KCNAB1: variants seen among roughly 807,000 people sequenced by gnomAD.
KCNAB1 encodes potassium voltage-gated channel subfamily A regulatory beta subunit 1.
A neutral mutation model predicts 64.6 loss-of-function variants in KCNAB1; 35 were observed. The observed-to-expected ratio is 0.54, with a 90% CI of 0.41 to 0.72. The LOEUF (loss-of-function observed/expected upper bound fraction) is 0.72, where lower values mean the gene tolerates loss of function less well. Ranked by LOEUF, KCNAB1 falls within the 30% of genes least tolerant of loss-of-function variation. The pLI is 0.00. For synonymous variants in KCNAB1, 177 were observed against 183.8 expected (o/e 0.96, Z 0.30); for missense variants, 401 against 512.9 (o/e 0.78, Z 2.11).
In KCNAB1 at chr3:156,536,953, T is replaced by TATC. The variant is rs1409101191; in HGVS notation, c.*207_*209dup. 5.0e-6 allele frequency: 3 copies of TATC among 596,286 alleles called. No individual in the cohort carries two copies. Among genetic ancestry groups the TATC allele is most frequent in the Non-Finnish European group, 8.9e-6 (3 of 335,912 alleles). The allele number at this position is 596,286 out of a possible 1,614,324, so 36.9% of individuals were successfully genotyped here. On this transcript the variant is annotated 3_prime_UTR_variant, in exon 14 of 14. Coordinates refer to ENST00000490337, the MANE Select transcript of KCNAB1 (RefSeq NM_172160.3). ...ACCAAGAAAATCCATTCTATTTTCT[T>TATC]ATCTTGGACTGGAGTCACCTATTCT...
chr3:156,417,266 A>G (rs1304047155), intron 1 of KCNAB1, among the ~76,000 whole-genome samples: 1 of 152,248 alleles, frequency 6.6e-6, no homozygotes, highest in Non-Finnish European at 1.5e-5. Context: ...CTTCCAGGTA[A>G]GGCAGAGTAT....
intron 11 of KCNAB1, 86 bp from the exon 12 acceptor site, chr3:156,523,741 G>A (rs1718108159): frequency 7.9e-7 from 1 of 1,266,952 alleles, no homozygotes; most frequent in Non-Finnish European, 1.1e-6. Context: ...AAATCATTAT[G>A]AGGTTCACAT....
rs370745270 is a variant in KCNAB1 at position 156,403,517 on chromosome 3, A to G, written c.276-18099A>G. 3.3e-5 allele frequency among the ~76,000 whole-genome samples: 5 copies of G among 152,198 alleles called. No homozygotes were observed. In the East Asian group the frequency reaches 5.8e-4, roughly 18 times the overall value. On this transcript the variant is annotated intron_variant, in intron 1 of 13. Coordinates refer to ENST00000490337, the MANE Select transcript of KCNAB1 (RefSeq NM_172160.3). ...AAGAGAGTTCTATTTTCCTTCTGAT[A>G]TAAGGCTCAATGACACATAGCTATT... is the stretch of plus-strand genomic sequence containing the variant.
At position 156,444,837 on chromosome 3, in the gene KCNAB1, C is replaced by T. The variant is rs1010273082; in HGVS notation, c.320-8062C>T. ...TATTGAAATAACAGTGCCCTCTCTA[C>T]ACCATCCCGTGATTGCCAGGGTGCA... On this transcript the variant is annotated intron_variant, in intron 2 of 13. Transcript: ENST00000490337. Among the ~76,000 whole-genome samples, 28 of 152,230 alleles carry T rather than the reference C, an allele frequency of 1.8e-4. 1 individual carries two copies. Among genetic ancestry groups the T allele is most frequent in the Non-Finnish European group, 1.5e-5 (1 of 68,040 alleles).
chr3:156,533,513 C>G (rs1015462959), intron 13 of KCNAB1, among the ~76,000 whole-genome samples: 1 of 152,136 alleles, frequency 6.6e-6, no homozygotes, highest in Non-Finnish European at 1.5e-5. Context: ...GGCCAGGTCT[C>G]GCAGGACACC....
intron 1 of KCNAB1, chr3:156,292,266 C>T (rs1206356866): frequency 2.1e-6 from 2 of 948,104 alleles, no homozygotes; most frequent in African/African-American, 1.7e-5. Context: ...TCTAAAATAG[C>T]TCTTTAGGGG....
chr3:156,344,791 G>T (rs1439554164), intron 1 of KCNAB1, among the ~76,000 whole-genome samples: 3 of 152,130 alleles, frequency 2.0e-5, no homozygotes, highest in African/African-American at 7.2e-5. Context: ...AATGGGATCA[G>T]TTTGTAAGTT....
rs538504848 is a variant in KCNAB1, at chr3:156,531,991, G to T, written c.1170+494G>T. Among the ~76,000 whole-genome samples, 458 of 117,482 alleles carry T rather than the reference G, an allele frequency of 3.9e-3. 2 individuals carry two copies. The highest frequency in any genetic ancestry group is 3.1e-3 in the Non-Finnish European group (180 of 57,600). The allele number at this position is 117,482 out of a possible 152,430, so 77.1% of individuals were successfully genotyped here. On this transcript the variant is annotated intron_variant, in intron 13 of 13. Transcript: ENST00000490337. ...TTGGACTGCAAGCCCTCTGAGGTCA[G>T]ACCTGTGTCTTTGCTTTTCCACGGT...
intron 1 of KCNAB1, among the ~76,000 whole-genome samples, chr3:156,252,780 C>T (rs1306729185): frequency 2.6e-5 from 4 of 152,164 alleles, no homozygotes; most frequent in Admixed American, 1.3e-4. Flanking sequence ...AGTGCAGGAG[C>T]TTACACGGGG....
intron 1 of KCNAB1, among the ~76,000 whole-genome samples, chr3:156,137,627 C>T (rs186025776): frequency 2.0e-5 from 3 of 151,954 alleles, no homozygotes; most frequent in East Asian, 3.9e-4. Flanking sequence ...CACCACAACC[C>T]CCGCCCCCAC....
intron 1 of KCNAB1, among the ~76,000 whole-genome samples, chr3:156,148,226 C>T (rs149171613): frequency 1.3e-5 from 2 of 152,162 alleles, no homozygotes; most frequent in Admixed American, 6.5e-5. Context: ...TTTGCCCCTA[C>T]AGCATTGACC....
intron 8 of KCNAB1, among the ~76,000 whole-genome samples, chr3:156,476,628 C>T (rs142019486): frequency 6.3e-4 from 95 of 151,958 alleles, no homozygotes; most frequent in Admixed American, 9.2e-4. Flanking sequence ...TTTATCCACT[C>T]GTTGATTGAT....
intron 1 of KCNAB1, among the ~76,000 whole-genome samples, chr3:156,175,506 G>A (rs1712297795): frequency 6.6e-6 from 1 of 152,194 alleles, no homozygotes; most frequent in Admixed American, 6.5e-5. Context: ...TGTAGTCCCA[G>A]CTACTCGGAG....
At chr3:156,315,915 T>C (rs1249391108) in intron 1 of KCNAB1, among the ~76,000 whole-genome samples, 2 of 152,210 alleles carry the variant, frequency 1.3e-5, no homozygotes, top group African/African-American at 4.8e-5. Flanking sequence ...GTAGATAACC[T>C]GACAACATGT....
At chr3:156,322,917 A>G (rs1487148646) in intron 1 of KCNAB1, among the ~76,000 whole-genome samples, 1 of 152,174 alleles carries the variant, frequency 6.6e-6, no homozygotes, top group Admixed American at 6.5e-5. Flanking sequence ...AGACTACACT[A>G]TAGGAGAAGC....
intron 8 of KCNAB1, among the ~76,000 whole-genome samples, chr3:156,513,338 A>AAATAAT (rs141387274): frequency 6.6e-6 from 1 of 151,990 alleles, no homozygotes; most frequent in African/African-American, 2.4e-5. Context: ...TGCTCATGAG[A>AAATAAT]AATAATAATA....
intron 8 of KCNAB1, among the ~76,000 whole-genome samples, chr3:156,500,822 TA>T (rs1559917576): frequency 6.6e-6 from 1 of 152,220 alleles, no homozygotes; most frequent in African/African-American, 2.4e-5. Context: ...TTTGTGGAAG[TA>T]TCATCATCAA....
intron 7 of KCNAB1, among the ~76,000 whole-genome samples, chr3:156,472,102 C>G (rs915020646): frequency 6.6e-6 from 1 of 152,084 alleles, no homozygotes; most frequent in Non-Finnish European, 1.5e-5. Context: ...CTTGGCTCCC[C>G]GACCACCTCC....
chr3:156,230,829 G>A (rs968691787), intron 1 of KCNAB1, among the ~76,000 whole-genome samples: 2 of 152,208 alleles, frequency 1.3e-5, no homozygotes, highest in African/African-American at 2.4e-5. Context: ...TCTTCTGTGT[G>A]TATATATCAG....
Sources: allele counts gnomAD v4.1 joint callset (sites outside exome capture counted in the v4.1 genomes callset), GRCh38; gene constraint gnomAD v4.1.1; transcripts MANE v1.5; gene names NCBI Gene and HGNC (gene_info 2026-07-23, HGNC 2026-07-21).